Variants in SCG5 observed in about 807,000 individuals in gnomAD.
The protein encoded by SCG5 is secretogranin V.
Under a neutral mutation model 25.7 loss-of-function variants are expected in SCG5, and 18 were observed. That is an observed-to-expected ratio of 0.70 (90% CI 0.48 to 1.04). The LOEUF is 1.04. Among genes scored for constraint, SCG5 ranks in the 50% least tolerant of loss-of-function variants. SCG5 has a pLI of 0.00. For missense variants in SCG5, 206 were observed against 259.8 expected, an observed-to-expected ratio of 0.79 and a Z score of 1.42; for synonymous variants, 101 against 91.7, an observed-to-expected ratio of 1.10 and a Z score of -0.58.
chr15:32,660,291 T>A (rs1282360351), intron 2 of SCG5, among the ~76,000 whole-genome samples: 1 of 152,154 alleles, frequency 6.6e-6, no homozygotes, highest in Non-Finnish European at 1.5e-5. Flanking sequence ...GATCCGTGAC[T>A]CTGACGAGAG....
Position 32,682,834 on chromosome 15 carries a change from C to T in SCG5, c.377-1723C>T, listed in dbSNP as rs1490732146. On this transcript the variant is annotated intron_variant, in intron 3 of 5. Coordinates refer to ENST00000300175, the MANE Select transcript of SCG5 (RefSeq NM_001144757.3). ...CCATGCTGTCCTCTGAATCATGGCC[C>T]ACTCACCCTGGATAGAGCAGCAGAG... Among the ~76,000 whole-genome samples the T allele has an allele frequency of 5.9e-5, 9 of 152,266 alleles. No individual in the cohort carries two copies. The East Asian group carries it at 1.7e-3, about 29-fold the overall frequency.
At chr15:32,694,962 A>C (rs2054927801) in intron 5 of SCG5, among the ~76,000 whole-genome samples, 1 of 151,716 alleles carries the variant, frequency 6.6e-6, no homozygotes, top group East Asian at 1.9e-4. Flanking sequence ...ATGGGGATTG[A>C]GCATGCAACA....
intron 4 of SCG5, among the ~76,000 whole-genome samples, chr15:32,688,365 CT>C (rs1416005805): frequency 2.0e-5 from 3 of 152,134 alleles, no homozygotes; most frequent in African/African-American, 7.2e-5. Context: ...TTTCCAAATG[CT>C]TTCACACCTT....
At chr15:32,684,513 A>G (rs762182334) in intron 3 of SCG5, 44 bp from the exon 4 acceptor site, 9 of 1,193,906 alleles carry the variant, frequency 7.5e-6, no homozygotes, top group South Asian at 1.3e-5. Flanking sequence ...TAGAATAATG[A>G]TGAATGTCTT....
At chr15:32,684,210 C>T (rs1240595696) in intron 3 of SCG5, among the ~76,000 whole-genome samples, 1 of 152,172 alleles carries the variant, frequency 6.6e-6, no homozygotes, top group Non-Finnish European at 1.5e-5. Flanking sequence ...AATTCCAGGC[C>T]TGGGAATGGA....
chr15:32,690,791 TC>T (rs148156164), intron 4 of SCG5, among the ~76,000 whole-genome samples: 1,627 of 151,936 alleles, frequency 0.011, 16 homozygotes, highest in Non-Finnish European at 0.016. Flanking sequence ...TTACCAGAAC[TC>T]TGTGGTTGTC....
chr15:32,670,179 T>C (rs2140546435), intron 2 of SCG5, among the ~76,000 whole-genome samples: 1 of 152,334 alleles, frequency 6.6e-6, no homozygotes, highest in Admixed American at 6.5e-5. Context: ...AACAAATGCC[T>C]TTCAAGACAA....
At chr15:32,668,144 A>G (rs1422452656) in intron 2 of SCG5, among the ~76,000 whole-genome samples, 2 of 152,220 alleles carry the variant, frequency 1.3e-5, no homozygotes, top group African/African-American at 4.8e-5. Flanking sequence ...TCTCCTCTCG[A>G]GGCTAGAATT....
chr15:32,695,011 C>CTT (rs10718630), intron 5 of SCG5, among the ~76,000 whole-genome samples: 1 of 123,642 alleles, frequency 8.1e-6, no homozygotes, highest in Non-Finnish European at 1.8e-5. Flanking sequence ...TTCTTTCTTT[C>CTT]TTTTTTTTTT....
chr15:32,645,336 A>G lies in SCG5; in HGVS notation c.226+1518A>G, dbSNP rs115104173. On this transcript the variant is annotated intron_variant, in intron 2 of 5. Transcript: ENST00000300175. ...AGAAACAGCCACTCCCGGGGCATCA[A>G]AAGCCTCTTTATCCAGAGACTCCAT... Among the ~76,000 whole-genome samples, 247 of 152,346 alleles carry G rather than the reference A, an allele frequency of 1.6e-3. 1 individual carries two copies. Among genetic ancestry groups the G allele is most frequent in the African/African-American group, 5.7e-3 (237 of 41,578 alleles).
intron 2 of SCG5, chr15:32,666,059 T>C (rs1247588264): frequency 6.6e-6 from 1 of 152,146 alleles, no homozygotes; most frequent in African/African-American, 2.4e-5. Flanking sequence ...AGGAAAGAAA[T>C]AAAGGCCATT....
intron 2 of SCG5, among the ~76,000 whole-genome samples, chr15:32,648,385 A>T (rs2140501021): frequency 6.6e-6 from 1 of 152,156 alleles, no homozygotes; most frequent in South Asian, 2.1e-4. Context: ...TCCCTTTTCG[A>T]TTGTTCTTCA....
intron 2 of SCG5, among the ~76,000 whole-genome samples, chr15:32,658,725 C>T (rs1300662135): frequency 6.6e-6 from 1 of 152,190 alleles, no homozygotes; most frequent in African/African-American, 2.4e-5. Context: ...TCTAGCGATA[C>T]CCTCGATGGT....
At chr15:32,667,677 C>T (rs1462775802) in intron 2 of SCG5, among the ~76,000 whole-genome samples, 1 of 145,840 alleles carries the variant, frequency 6.9e-6, no homozygotes. Context: ...TAGTTTTATT[C>T]TTTTTTTTTT....
chr15:32,655,718 G>A (rs950532444), intron 2 of SCG5, among the ~76,000 whole-genome samples: 3 of 152,188 alleles, frequency 2.0e-5, no homozygotes, highest in African/African-American at 7.2e-5. Flanking sequence ...TTATGAAAGA[G>A]GCCAGAGGAA....
intron 2 of SCG5, among the ~76,000 whole-genome samples, chr15:32,646,354 T>G (rs1281317269): frequency 6.6e-6 from 1 of 152,206 alleles, no homozygotes; most frequent in Non-Finnish European, 1.5e-5. Flanking sequence ...GTTAAGGCTG[T>G]TGGCAGAATT....
chr15:32,652,652 C>T (rs1444341696), intron 2 of SCG5, among the ~76,000 whole-genome samples: 1 of 152,088 alleles, frequency 6.6e-6, no homozygotes, highest in East Asian at 1.9e-4. Context: ...AGGTTTTGGC[C>T]TCAGGTGTTT....
intron 2 of SCG5, among the ~76,000 whole-genome samples, chr15:32,657,220 T>TATATA (rs71113464): frequency 1.8e-4 from 19 of 106,546 alleles, no homozygotes; most frequent in Non-Finnish European, 2.9e-4. Context: ...TATGTATGTA[T>TATATA]TTCCAGGTGT....
At chr15:32,644,516 C>T (rs989790043) in intron 2 of SCG5, among the ~76,000 whole-genome samples, 8 of 152,172 alleles carry the variant, frequency 5.3e-5, no homozygotes, top group Admixed American at 2.0e-4. Context: ...GGTCATAATA[C>T]TTGTATTAGA....
Sources: allele counts gnomAD v4.1 joint callset (sites outside exome capture counted in the v4.1 genomes callset), GRCh38; gene constraint gnomAD v4.1.1; transcripts MANE v1.5; gene names NCBI Gene and HGNC (gene_info 2026-07-23, HGNC 2026-07-21).